The following LDB3 variants were observed in gnomAD, a reference collection of about 807,000 sequenced individuals.
LDB3 encodes LIM domain binding 3.
Under a neutral mutation model 69.0 loss-of-function variants are expected in LDB3, and 49 were observed. The ratio of observed to expected loss-of-function variants is 0.71; its 90% CI spans 0.56 to 0.90. LDB3 has a LOEUF of 0.90. Among genes scored for constraint, LDB3 ranks in the 40% least tolerant of loss-of-function variants. The pLI, the probability that LDB3 is intolerant of heterozygous loss-of-function variation, is 0.00. For synonymous variants in LDB3, 387 were observed against 396.2 expected (o/e 0.98, Z 0.28); for missense variants, 928 against 974.1 (o/e 0.95, Z 0.63).
At chr10:86,678,234 A>G (rs4934242) in intron 2 of LDB3, among the ~76,000 whole-genome samples, 19,931 of 151,926 alleles carry the variant, frequency 0.13, 1,734 homozygotes, top group Middle Eastern at 0.2. Context: ...TAATTTTGGT[A>G]CAGACGGGGT....
At chr10:86,680,272 C>A (rs565690758) in intron 4 of LDB3, 115 bp downstream of exon 4, 2 of 897,032 alleles carry the variant, frequency 2.2e-6, no homozygotes, top group African/African-American at 3.3e-5. Context: ...TGGGATCAGC[C>A]CTGCCCCATC....
rs183197430 is a variant in LDB3, at chr10:86,734,978, G to A, written c.*2002G>A. On this transcript the variant is annotated 3_prime_UTR_variant, in exon 14 of 14. Coordinates refer to ENST00000361373, the MANE Select transcript of LDB3 (RefSeq NM_007078.3). Reference sequence around the variant, plus strand: ...AAAACTATCTATTCAATTATCAGGGGCTGGTCTTGAGGAAGGAAAAAAAAA... The same window carrying A: ...AAAACTATCTATTCAATTATCAGGGACTGGTCTTGAGGAAGGAAAAAAAAA... 5 of 133,124 alleles carry A rather than the reference G, an allele frequency of 3.8e-5. No homozygotes were observed. Among genetic ancestry groups the A allele is most frequent in the Non-Finnish European group, 4.8e-5 (3 of 63,092 alleles). 8.2% of individuals were successfully genotyped at this position (133,124 alleles called of 1,614,324 possible).
intron 13 of LDB3, among the ~76,000 whole-genome samples, chr10:86,731,471 C>G (rs1198726607): frequency 6.6e-6 from 1 of 152,006 alleles, no homozygotes; most frequent in Admixed American, 6.6e-5. Context: ...GGTCCTCCTG[C>G]CTCGGCCTTC....
chr10:86,668,967 C>A (rs1319902735), intron 2 of LDB3, among the ~76,000 whole-genome samples, 183 bp downstream of exon 2: 1 of 152,154 alleles, frequency 6.6e-6, no homozygotes, highest in African/African-American at 2.4e-5. Flanking sequence ...AGCGCGCCGG[C>A]CTGTTATGCA....
At chr10:86,704,088 T>G (rs1846354687) in intron 7 of LDB3, among the ~76,000 whole-genome samples, 1 of 150,414 alleles carries the variant, frequency 6.6e-6, no homozygotes. Flanking sequence ...CACTCCAGCC[T>G]GGGCAACAGA....
chr10:86,692,128 G>A (rs1273798179), intron 6 of LDB3, 63 bp downstream of exon 6: 3 of 1,587,420 alleles, frequency 1.9e-6, no homozygotes, highest in Non-Finnish European at 2.6e-6. Flanking sequence ...CCAGGGACCT[G>A]GGCCCAGCAC....
At chr10:86,713,434 G>A (rs971171737) in intron 9 of LDB3, among the ~76,000 whole-genome samples, 9 of 152,034 alleles carry the variant, frequency 5.9e-5, no homozygotes, top group South Asian at 2.1e-4. Flanking sequence ...TAGTAGAGAC[G>A]GGGTTTCACC....
intron 5 of LDB3, among the ~76,000 whole-genome samples, chr10:86,690,738 T>C (rs183604386): frequency 6.6e-6 from 1 of 152,348 alleles, no homozygotes; most frequent in African/African-American, 2.4e-5. Context: ...GGACAGGGCA[T>C]CTTTCCAGGC....
At chr10:86,668,320 G>T (rs1273642956), upstream of LDB3, 2 of 354,250 alleles carry the variant, frequency 5.6e-6, no homozygotes, top group Non-Finnish European at 1.1e-5. Flanking sequence ...TCACCAACCA[G>T]GCCAGTTCCC....
At chr10:86,696,501 T>C (rs1490820772) in intron 7 of LDB3, among the ~76,000 whole-genome samples, 2 of 152,192 alleles carry the variant, frequency 1.3e-5, no homozygotes, top group Non-Finnish European at 2.9e-5. Context: ...CTGGCTCCTT[T>C]CCTTGGCTAG....
rs549608193 is a variant in LDB3 at position 86,733,133 on chromosome 10, C to T, written c.*157C>T. The T allele has an allele frequency of 8.7e-5, 56 of 646,018 alleles. No individual in the cohort carries two copies. The highest frequency in any genetic ancestry group is 6.8e-4 in the East Asian group (24 of 35,474). 40.0% of individuals were successfully genotyped at this position (646,018 alleles called of 1,614,324 possible). A position where few individuals can be genotyped will look rare whatever the true frequency, so the allele number is the denominator to read the frequency against. Reference sequence around the variant, plus strand: ...AATTTTAGGTTTTTTCTTCTGTACACAGATCGTGCATTTGCATAGTTCAGA... The same window carrying T: ...AATTTTAGGTTTTTTCTTCTGTACATAGATCGTGCATTTGCATAGTTCAGA... On this transcript the variant is annotated 3_prime_UTR_variant, in exon 14 of 14. Coordinates refer to ENST00000361373, the MANE Select transcript of LDB3 (RefSeq NM_007078.3).
intron 7 of LDB3, among the ~76,000 whole-genome samples, chr10:86,698,915 G>C (rs1360350182): frequency 6.6e-6 from 1 of 152,120 alleles, no homozygotes; most frequent in African/African-American, 2.4e-5. Flanking sequence ...AAGCAGCCCT[G>C]CCCAGCCCTC....
intron 5 of LDB3, 59 bp downstream of exon 5, chr10:86,681,862 T>C: frequency 6.6e-7 from 1 of 1,505,370 alleles, no homozygotes; most frequent in South Asian, 1.3e-5. Context: ...TCCTCGGTGC[T>C]CGGCAGAGAC....
intron 5 of LDB3, among the ~76,000 whole-genome samples, chr10:86,686,398 T>C (rs11202126): frequency 0.63 from 96,443 of 152,064 alleles, 31,856 homozygotes; most frequent in Non-Finnish European, 0.75. Context: ...GCCCCATGCC[T>C]GCGCTTCCCC....
At chr10:86,685,652 GTCT>G (rs1328199609) in intron 5 of LDB3, 1 of 1,613,828 alleles carries the variant, frequency 6.2e-7, no homozygotes, top group Non-Finnish European at 8.5e-7. Context: ...TGACCACCCT[GTCT>G]TCTTTGCCCT....
intron 2 of LDB3, 23 bp from the exon 3 acceptor site, chr10:86,679,344 C>T: frequency 6.2e-7 from 1 of 1,614,084 alleles, no homozygotes; most frequent in Non-Finnish European, 8.5e-7. Flanking sequence ...TATGCTCACC[C>T]CCCACCTCCA....
intron 5 of LDB3, among the ~76,000 whole-genome samples, chr10:86,682,141 C>T (rs1463462460): frequency 6.6e-6 from 1 of 152,206 alleles, no homozygotes; most frequent in Non-Finnish European, 1.5e-5. Flanking sequence ...CACTAGGCCA[C>T]TCCCCAGAAC....
In LDB3 at chr10:86,699,309, C is replaced by T. The variant is rs377201153; in HGVS notation, c.896+6738C>T. On this transcript the variant is annotated intron_variant, in intron 7 of 13. Coordinates refer to ENST00000361373, the MANE Select transcript of LDB3 (RefSeq NM_007078.3). The surrounding 1 kb of genome is among the most constrained non-coding windows in gnomAD (Gnocchi z 4.9). Reference sequence around the variant, plus strand: ...GTTTGAAACGGAACGTAACAGCCCACGTTTTGCCAAATTGCGCAACTGGCA... The same window carrying T: ...GTTTGAAACGGAACGTAACAGCCCATGTTTTGCCAAATTGCGCAACTGGCA... The T allele has an allele frequency of 5.3e-5, 85 of 1,613,682 alleles. No individual in the cohort carries two copies. The highest frequency in any genetic ancestry group is 5.9e-5 in the Non-Finnish European group (70 of 1,179,972).
chr10:86,675,581 G>A (rs750650155), intron 2 of LDB3, among the ~76,000 whole-genome samples: 1 of 152,252 alleles, frequency 6.6e-6, no homozygotes, highest in Non-Finnish European at 1.5e-5. Context: ...CCTTGCTGTG[G>A]GGGTGTCCTG....
Sources: gnomAD v4.1 joint callset for allele counts (sites outside exome capture counted in the v4.1 genomes callset) on GRCh38, gnomAD v4.1.1 for gene constraint, Gnocchi (gnomAD v3.1) non-coding constraint, MANE v1.5 for transcripts, NCBI Gene and HGNC (gene_info 2026-07-23, HGNC 2026-07-21) for gene names.